Variants in MTHFD1L observed in about 807,000 individuals in gnomAD.
The protein encoded by MTHFD1L is methylenetetrahydrofolate dehydrogenase (NADP+ dependent) 1 like.
MTHFD1L carries 81 observed loss-of-function variants against 119.5 expected under a neutral mutation model. The observed-to-expected ratio is 0.68, with a 90% CI of 0.57 to 0.82. The LOEUF (loss-of-function observed/expected upper bound fraction) is 0.82, where lower values mean the gene tolerates loss of function less well. Among genes scored for constraint, MTHFD1L ranks in the 40% least tolerant of loss-of-function variants. MTHFD1L has a pLI of 0.00. For missense variants in MTHFD1L, 1,125 were observed against 1,253.4 expected (o/e 0.90, Z 1.55); for synonymous variants, 430 against 475.2 (o/e 0.90, Z 1.24).
At chr6:150,937,170 G>T (rs1294128112) in intron 12 of MTHFD1L, among the ~76,000 whole-genome samples, 2 of 148,970 alleles carry the variant, frequency 1.3e-5, no homozygotes, top group Non-Finnish European at 3.0e-5. Context: ...TGTTCCTGGG[G>T]CTGCGTTGCT....
At chr6:150,869,791 G>A (rs935994212) in intron 1 of MTHFD1L, among the ~76,000 whole-genome samples, 13 of 152,246 alleles carry the variant, frequency 8.5e-5, no homozygotes, top group Middle Eastern at 3.4e-3. Context: ...ATCCAGGAGC[G>A]GAAGTGTATT....
chr6:151,027,922 T>G (rs910066020), intron 24 of MTHFD1L, among the ~76,000 whole-genome samples: 4 of 152,122 alleles, frequency 2.6e-5, no homozygotes, highest in African/African-American at 9.7e-5. Context: ...GTAGCTCAGG[T>G]TGTAGACAGT....
intron 26 of MTHFD1L, among the ~76,000 whole-genome samples, chr6:151,085,323 AAAT>A (rs1562644380): frequency 6.6e-6 from 1 of 152,176 alleles, no homozygotes; most frequent in African/African-American, 2.4e-5. Flanking sequence ...AAGGCCACTG[AAAT>A]AATTGGCATA....
chr6:150,932,894 G>A (rs1429267154), intron 11 of MTHFD1L, among the ~76,000 whole-genome samples: 2 of 148,744 alleles, frequency 1.3e-5, no homozygotes, highest in Non-Finnish European at 3.0e-5. Flanking sequence ...AAGGAAGGAA[G>A]GAAAAGAGAG....
At chr6:150,909,852 C>G (rs1786557860) in intron 8 of MTHFD1L, among the ~76,000 whole-genome samples, 1 of 152,152 alleles carries the variant, frequency 6.6e-6, no homozygotes, top group African/African-American at 2.4e-5. Context: ...GACCTTGAGA[C>G]TTTCTCTCGT....
At chr6:151,045,458 A>T (rs1029407947) in intron 26 of MTHFD1L, among the ~76,000 whole-genome samples, 3 of 152,166 alleles carry the variant, frequency 2.0e-5, no homozygotes, top group African/African-American at 4.8e-5. Flanking sequence ...AAATAAACAA[A>T]GAAACCTTGA....
chr6:151,037,144 C>T, intron 26 of MTHFD1L, 27 bp downstream of exon 26: 1 of 1,610,876 alleles, frequency 6.2e-7, no homozygotes, highest in Non-Finnish European at 8.5e-7. Flanking sequence ...TTCCAAAAAC[C>T]CTCCCCATTC....
chr6:150,882,590 G>GA (rs1197642324), intron 4 of MTHFD1L, among the ~76,000 whole-genome samples, 172 bp from the exon 5 acceptor site: 31 of 151,674 alleles, frequency 2.0e-4, no homozygotes, highest in Admixed American at 1.3e-4. Context: ...ATGATGAAAA[G>GA]AAAAAAATAG....
chr6:150,884,267 G>A (rs373297437), intron 5 of MTHFD1L, among the ~76,000 whole-genome samples: 5 of 150,050 alleles, frequency 3.3e-5, no homozygotes, highest in South Asian at 2.1e-4. Context: ...TCAGCCTCCC[G>A]AGTAGCTGGG....
intron 24 of MTHFD1L, among the ~76,000 whole-genome samples, chr6:151,017,663 C>T (rs535512845): frequency 6.6e-6 from 1 of 151,598 alleles, no homozygotes; most frequent in Admixed American, 6.6e-5. Flanking sequence ...CTTTATTTTT[C>T]GGGCTGAATA....
intron 26 of MTHFD1L, among the ~76,000 whole-genome samples, chr6:151,059,323 G>A (rs1412439018): frequency 6.6e-6 from 1 of 152,036 alleles, no homozygotes; most frequent in East Asian, 1.9e-4. Context: ...CGATTTTCCT[G>A]CCTGCGCCAC....
At chr6:150,972,313 A>C (rs1245393539) in intron 20 of MTHFD1L, among the ~76,000 whole-genome samples, 1 of 152,222 alleles carries the variant, frequency 6.6e-6, no homozygotes, top group Non-Finnish European at 1.5e-5. Context: ...AAACTGAGTG[A>C]CATTGGACAC....
At chr6:151,022,082 G>A (rs762588162) in intron 24 of MTHFD1L, 5 of 471,048 alleles carry the variant, frequency 1.1e-5, no homozygotes, top group Middle Eastern at 3.2e-4. Flanking sequence ...AACAAACCAC[G>A]AAGACAGCCT....
intron 7 of MTHFD1L, among the ~76,000 whole-genome samples, chr6:150,896,536 G>T (rs2128810337): frequency 6.6e-6 from 1 of 152,280 alleles, no homozygotes; most frequent in East Asian, 1.9e-4. Context: ...AGTGGCTGAG[G>T]TCATCAGTAG....
At chr6:151,066,466 A>G (rs1791281096) in intron 26 of MTHFD1L, among the ~76,000 whole-genome samples, 1 of 126,528 alleles carries the variant, frequency 7.9e-6, no homozygotes, top group Non-Finnish European at 1.7e-5. Flanking sequence ...AAAAAGAACC[A>G]TGGCAAAAGT....
intron 11 of MTHFD1L, among the ~76,000 whole-genome samples, chr6:150,927,580 C>T (rs1790251554): frequency 1.3e-5 from 2 of 151,906 alleles, no homozygotes; most frequent in African/African-American, 4.8e-5. Flanking sequence ...CCTCAGCCTC[C>T]CGAGTAGCTG....
At chr6:151,072,959 A>G (rs1164651256) in intron 26 of MTHFD1L, among the ~76,000 whole-genome samples, 23 of 151,872 alleles carry the variant, frequency 1.5e-4, no homozygotes, top group Admixed American at 1.5e-3. Flanking sequence ...TATATGAAAA[A>G]TACATCACTC....
intron 26 of MTHFD1L, among the ~76,000 whole-genome samples, chr6:151,091,437 C>T (rs1562652575): frequency 6.6e-6 from 1 of 152,112 alleles, no homozygotes; most frequent in African/African-American, 2.4e-5. Context: ...TCAAGGGGGC[C>T]AGCATCAGAA....
chr6:150,988,294 T>G (rs923049202), intron 20 of MTHFD1L, among the ~76,000 whole-genome samples: 2 of 152,244 alleles, frequency 1.3e-5, no homozygotes, highest in African/African-American at 4.8e-5. Flanking sequence ...ATATGATTGC[T>G]ATCTTACCCC....
Sources: allele counts gnomAD v4.1 joint callset (sites outside exome capture counted in the v4.1 genomes callset), GRCh38; gene constraint gnomAD v4.1.1; transcripts MANE v1.5; gene names NCBI Gene and HGNC (gene_info 2026-07-23, HGNC 2026-07-21).